The following CERS1 variants were observed in gnomAD, a reference collection of about 807,000 sequenced individuals.
CERS1 encodes ceramide synthase 1.
Under a neutral mutation model 35.7 loss-of-function variants are expected in CERS1, and 16 were observed. The observed-to-expected ratio is 0.45, with a 90% CI of 0.30 to 0.68. The LOEUF is 0.68. CERS1 is among the 30% of genes least tolerant of loss of function. The pLI, the probability that CERS1 is intolerant of heterozygous loss-of-function variation, is 0.08. For missense variants in CERS1, 454 were observed against 453.9 expected (o/e 1.00, Z 0.00); for synonymous variants, 243 against 201.6 (o/e 1.21, Z -1.74).
chr19:18,880,780 C>G (rs1384803272), intron 3 of CERS1, among the ~76,000 whole-genome samples: 1 of 151,992 alleles, frequency 6.6e-6, no homozygotes, highest in Non-Finnish European at 1.5e-5. Flanking sequence ...CCACTGCAGC[C>G]TCAAACTCCT....
At chr19:18,896,812 G>C (rs140070442), upstream of CERS1, 1 of 152,200 alleles carries the variant, frequency 6.6e-6, no homozygotes, top group Admixed American at 6.6e-5. This position sits in a 1 kb window ranked among gnomAD's most constrained non-coding sequence, Gnocchi z 5.9. Context: ...CACTTCCCAG[G>C]CATCTTCTTC....
rs778034405 is a variant in CERS1 at position 18,878,961 on chromosome 19, C to T, written c.979G>A (p.Glu327Lys). The stretch of plus-strand genomic sequence containing the variant: ...TTGCTGGGCTTCAGGCTCTGGGCCT[C>T]GGCTGTGTCATACTCCCGCAGGTCC... ...LKDLREYDTA[E>K]AQSLKPSKAE... The change falls in exon 6 of 8, where the codon GAG becomes AAG. Residue 327 changes from glutamate to lysine, a missense_variant. Physicochemically the swap from Glu to Lys is moderately conservative, Grantham distance 56 (BLOSUM62 1). Coordinates refer to ENST00000623882, the MANE Select transcript of CERS1 (RefSeq NM_021267.5). The surrounding 1 kb of genome is among the most constrained non-coding windows in gnomAD (Gnocchi z 4.6). The T allele has an allele frequency of 1.3e-5, 21 of 1,613,666 alleles. No individual in the cohort carries two copies. Among genetic ancestry groups the T allele is most frequent in the Non-Finnish European group, 1.6e-5 (19 of 1,179,868 alleles).
intron 3 of CERS1, among the ~76,000 whole-genome samples, chr19:18,881,136 G>A (rs949447906): frequency 2.6e-5 from 4 of 152,108 alleles, no homozygotes; most frequent in Admixed American, 2.6e-4. Context: ...CCACCATGAT[G>A]AGACTTCCAG....
In CERS1 at chr19:18,869,051, C is replaced by A; in HGVS notation, c.*934G>T. 1 of 1,064,544 alleles carries A rather than the reference C, an allele frequency of 9.4e-7. No individual in the cohort carries two copies. Among genetic ancestry groups the A allele is most frequent in the South Asian group, 4.3e-5 (1 of 23,210 alleles). The allele number at this position is 1,064,544 out of a possible 1,614,324, so 65.9% of individuals were successfully genotyped here. A position where few individuals can be genotyped will look rare whatever the true frequency, so the allele number is the denominator to read the frequency against. ...CAGGCGCGCGCAGGCGGCAGGGGCC[C>A]GGGGGCGTAGCGCCAGCGCCAGGCG... On this transcript the variant is annotated 3_prime_UTR_variant, in exon 8 of 8. Coordinates refer to ENST00000623882, the MANE Select transcript of CERS1 (RefSeq NM_021267.5).
At chr19:18,893,665 C>A in intron 1 of CERS1, 90 bp from the exon 2 acceptor site, 1 of 1,347,000 alleles carries the variant, frequency 7.4e-7, no homozygotes, top group Admixed American at 2.1e-5. Context: ...CAGGGACTCC[C>A]CAGGCCGGGC....
At chr19:18,883,226 G>A (rs1212133950) in intron 3 of CERS1, 12 of 152,152 alleles carry the variant, frequency 7.9e-5, no homozygotes, top group Non-Finnish European at 1.8e-4. Flanking sequence ...AGCTAGTCCC[G>A]TAGGAATAGT....
Position 18,878,799 on chromosome 19 carries a change from T to C in CERS1, c.1010+131A>G. On this transcript the variant is annotated intron_variant, in intron 6 of 7. Transcript: ENST00000623882. The surrounding 1 kb of genome is among the most constrained non-coding windows in gnomAD (Gnocchi z 4.6). ...CACGCCTTTATTGCAGTCTCTGTTTTGGAGTAGGCTTGGGGGGCAGCATCC... is the reference window on the plus strand; with the variant it reads ...CACGCCTTTATTGCAGTCTCTGTTTCGGAGTAGGCTTGGGGGGCAGCATCC... 3 of 1,476,946 alleles carry C rather than the reference T, an allele frequency of 2.0e-6. No homozygotes were observed. Among genetic ancestry groups the C allele is most frequent in the Non-Finnish European group, 2.7e-6 (3 of 1,114,306 alleles). The allele number at this position is 1,476,946 out of a possible 1,614,324, so 91.5% of individuals were successfully genotyped here.
Position 18,870,062 on chromosome 19 carries a change from G to A in CERS1, c.*515C>T. 1 of 1,586,952 alleles carries A rather than the reference G, an allele frequency of 6.3e-7. No homozygotes were observed. Among genetic ancestry groups the A allele is most frequent in the Non-Finnish European group, 8.5e-7 (1 of 1,171,292 alleles). On this transcript the variant is annotated 3_prime_UTR_variant, in exon 7 of 8. Transcript: ENST00000623882. The surrounding 1 kb of genome is among the most constrained non-coding windows in gnomAD (Gnocchi z 5.1). ...GGCACGGTTGCAGGGTGACCCCTGG[G>A]GACGTCCGCCGCGAGCCAGACCTGG...
chr19:18,870,098 G>T lies in CERS1; in HGVS notation c.*479C>A, dbSNP rs769520095. 1.9e-6 allele frequency: 3 copies of T among 1,571,748 alleles called. No individual in the cohort carries two copies. The highest frequency in any genetic ancestry group is 2.3e-5 in the South Asian group (2 of 87,118). ...GCGAGCCAGACCTGGTCTCCTGGGG[G>T]TCCCGGCGTCGAAACAGGCGCCACA... On this transcript the variant is annotated 3_prime_UTR_variant, in exon 7 of 8. Transcript: ENST00000623882. The surrounding 1 kb of genome is among the most constrained non-coding windows in gnomAD (Gnocchi z 5.1).
rs2056104497 is a variant in CERS1, at chr19:18,878,397, G to C, written c.1010+533C>G. The C allele has an allele frequency of 3.0e-6, 3 of 989,084 alleles. No homozygotes were observed. The highest frequency in any genetic ancestry group is 9.2e-5 in the South Asian group (2 of 21,638). 61.3% of individuals were successfully genotyped at this position (989,084 alleles called of 1,614,324 possible). A position where few individuals can be genotyped will look rare whatever the true frequency, so the allele number is the denominator to read the frequency against. Reference sequence around the variant, plus strand: ...CTCCTTCCCCAGGACTCCCACCTGGGCTGGACTGAGTCTGAGCTCCCAGCC... The same window carrying C: ...CTCCTTCCCCAGGACTCCCACCTGGCCTGGACTGAGTCTGAGCTCCCAGCC... On this transcript the variant is annotated intron_variant, in intron 6 of 7. Transcript: ENST00000623882. This position sits in a 1 kb window ranked among gnomAD's most constrained non-coding sequence, Gnocchi z 4.6.
In CERS1 at chr19:18,895,054, C is replaced by T. The variant is rs1396396839; in HGVS notation, c.249+770G>A. ...ACTCTCTCGCAGGGGCGATGGTCTC[C>T]GCAGAAACTGGGGAATTCTGCTGTC... On this transcript the variant is annotated intron_variant, in intron 1 of 7. Coordinates refer to ENST00000623882, the MANE Select transcript of CERS1 (RefSeq NM_021267.5). The surrounding 1 kb of genome is among the most constrained non-coding windows in gnomAD (Gnocchi z 6.4). Among the ~76,000 whole-genome samples the T allele has an allele frequency of 6.6e-6, 1 of 152,236 alleles. No homozygotes were observed.
chr19:18,874,956 C>G (rs991601430), intron 6 of CERS1, among the ~76,000 whole-genome samples: 7 of 152,186 alleles, frequency 4.6e-5, no homozygotes, highest in Non-Finnish European at 1.5e-5. Context: ...TTTTCGGAAC[C>G]AGGCAAAGTG....
At chr19:18,891,216 A>AG (rs2056482603) in intron 2 of CERS1, among the ~76,000 whole-genome samples, 2 of 152,156 alleles carry the variant, frequency 1.3e-5, no homozygotes, top group African/African-American at 4.8e-5. Flanking sequence ...TAGGGGATCA[A>AG]GGTGTGTTAC....
rs955532939 is a variant in CERS1, at chr19:18,878,071, C to T, written c.1010+859G>A. ...ATCTCGCACCTCCCGTTCCAAAAAA[C>T]GTCACGGAGCTCTGAGCCACTGCTT... On this transcript the variant is annotated intron_variant, in intron 6 of 7. Coordinates refer to ENST00000623882, the MANE Select transcript of CERS1 (RefSeq NM_021267.5). The surrounding 1 kb of genome is among the most constrained non-coding windows in gnomAD (Gnocchi z 4.6). The T allele has an allele frequency of 4.5e-5, 44 of 985,390 alleles. No individual in the cohort carries two copies. The highest frequency in any genetic ancestry group is 7.0e-5 in the African/African-American group (4 of 57,226). The allele number at this position is 985,390 out of a possible 1,614,324, so 61.0% of individuals were successfully genotyped here.
upstream of CERS1, among the ~76,000 whole-genome samples, chr19:18,896,339 C>A (rs952867637): frequency 6.6e-6 from 1 of 151,200 alleles, no homozygotes; most frequent in African/African-American, 2.4e-5. This position sits in a 1 kb window ranked among gnomAD's most constrained non-coding sequence, Gnocchi z 5.9. Flanking sequence ...GAGCTGGGGG[C>A]CCGTTGGACC....
chr19:18,873,326 G>A (rs919731940), intron 6 of CERS1, among the ~76,000 whole-genome samples: 2 of 152,064 alleles, frequency 1.3e-5, no homozygotes, highest in African/African-American at 2.4e-5. Flanking sequence ...GATTAAGTGT[G>A]GGTAGAGAAA....
intron 7 of CERS1, 134 bp downstream of exon 7, chr19:18,869,849 C>T: frequency 1.2e-6 from 1 of 834,978 alleles, no homozygotes; most frequent in Non-Finnish European, 1.9e-6. Context: ...GGTGCGGTGG[C>T]CGAAGTTGCT....
At chr19:18,893,365 G>A (rs1417926062) in intron 2 of CERS1, 51 bp downstream of exon 2, 38 of 1,541,218 alleles carry the variant, frequency 2.5e-5, no homozygotes, top group African/African-American at 1.1e-4. Flanking sequence ...CAAGCCTGGC[G>A]TCTTTGTGTT....
Position 18,870,216 on chromosome 19 carries a change from A to G in CERS1, c.*361T>C, listed in dbSNP as rs1568291627. The G allele has an allele frequency of 6.4e-7, 1 of 1,556,196 alleles. No homozygotes were observed. ...CAGGGCGGCGGCTGGGCCTGGGGGC[A>G]CGGGGGCGCGGGTCAGGGGCAGCGA... On this transcript the variant is annotated 3_prime_UTR_variant, in exon 7 of 8. Transcript: ENST00000623882. The surrounding 1 kb of genome is among the most constrained non-coding windows in gnomAD (Gnocchi z 5.1).
Sources: gnomAD v4.1 joint callset for allele counts (sites outside exome capture counted in the v4.1 genomes callset) on GRCh38, gnomAD v4.1.1 for gene constraint, Gnocchi (gnomAD v3.1) non-coding constraint, MANE v1.5 for transcripts, NCBI Gene and HGNC (gene_info 2026-07-23, HGNC 2026-07-21) for gene names.